Variants in SSPN observed in about 807,000 individuals in gnomAD.
SSPN encodes the protein K-ras oncogene-associated protein.
SSPN carries 15 observed loss-of-function variants against 19.1 expected under a neutral mutation model. The ratio of observed to expected loss-of-function variants is 0.78; its 90% CI spans 0.52 to 1.21. The LOEUF (loss-of-function observed/expected upper bound fraction) is 1.21. SSPN is among the 50% of genes most tolerant of loss of function. The pLI is 0.00. For missense variants in SSPN, 291 were observed against 314.0 expected (o/e 0.93, Z 0.55); for synonymous variants, 147 against 140.3 (o/e 1.05, Z -0.34).
intron 1 of SSPN, among the ~76,000 whole-genome samples, chr12:26,173,458 G>A (rs1314634574): frequency 6.6e-6 from 1 of 152,112 alleles, no homozygotes; most frequent in African/African-American, 2.4e-5. Context: ...TCTTTTTGGG[G>A]ATATCCAGGG....
chr12:26,215,417 T>A (rs1264704437), intron 1 of SSPN, among the ~76,000 whole-genome samples: 3 of 152,106 alleles, frequency 2.0e-5, no homozygotes, highest in African/African-American at 7.2e-5. Flanking sequence ...GATACTTCTG[T>A]CAAAAGAGGG....
At chr12:26,230,677 G>A in intron 2 of SSPN, 34 bp from the exon 3 acceptor site, 7 of 1,562,742 alleles carry the variant, frequency 4.5e-6, no homozygotes, top group Non-Finnish European at 6.1e-6. Context: ...AATGTTCTTT[G>A]TAACCAGAAA....
intron 1 of SSPN, among the ~76,000 whole-genome samples, chr12:26,174,104 T>C (rs1944668833): frequency 6.6e-6 from 1 of 152,092 alleles, no homozygotes; most frequent in South Asian, 2.1e-4. Flanking sequence ...ACCAAGAAGA[T>C]AAATACACCC....
intron 1 of SSPN, among the ~76,000 whole-genome samples, chr12:26,159,308 C>T (rs1944573964): frequency 6.6e-6 from 1 of 152,248 alleles, no homozygotes. Flanking sequence ...TTTAGTCATG[C>T]AGGCAGGAGT....
intron 1 of SSPN, chr12:26,180,198 A>G (rs1377450046): frequency 6.6e-6 from 1 of 152,212 alleles, no homozygotes; most frequent in Non-Finnish European, 1.5e-5. Context: ...GGTGTGAACG[A>G]ATAATGAAAC....
chr12:26,226,396 C>G (rs1945176341), intron 2 of SSPN, among the ~76,000 whole-genome samples: 1 of 152,168 alleles, frequency 6.6e-6, no homozygotes, highest in African/African-American at 2.4e-5. Context: ...TGTTGAATGC[C>G]CAGATAGCCA....
chr12:26,179,491 C>G (rs1944704860), intron 1 of SSPN, among the ~76,000 whole-genome samples: 1 of 152,108 alleles, frequency 6.6e-6, no homozygotes. Flanking sequence ...GAGGAGAATT[C>G]AAGAGCAAGG....
chr12:26,124,107 G>A (rs771686924), intron 1 of SSPN: 1 of 1,612,484 alleles, frequency 6.2e-7, no homozygotes, highest in South Asian at 1.1e-5. Flanking sequence ...AAATCTTTCA[G>A]CTGAGCAATG....
intron 1 of SSPN, among the ~76,000 whole-genome samples, chr12:26,172,275 TG>T (rs1290413729): frequency 3.3e-5 from 5 of 152,180 alleles, no homozygotes; most frequent in Non-Finnish European, 7.4e-5. Context: ...TTCAAGCATA[TG>T]GTAAAAATGT....
At chr12:26,230,098 G>A (rs369610025) in intron 2 of SSPN, among the ~76,000 whole-genome samples, 4 of 151,944 alleles carry the variant, frequency 2.6e-5, no homozygotes, top group Admixed American at 1.3e-4. Flanking sequence ...TTTCACAGGC[G>A]ATGAAGCTGA....
chr12:26,149,620 A>G (rs919258349), intron 1 of SSPN, among the ~76,000 whole-genome samples: 2 of 152,244 alleles, frequency 1.3e-5, no homozygotes, highest in Admixed American at 6.5e-5. Flanking sequence ...ACAAGAAATA[A>G]ATGTACATGT....
At chr12:26,200,645 A>C (rs558059163) in intron 1 of SSPN, among the ~76,000 whole-genome samples, 1 of 152,310 alleles carries the variant, frequency 6.6e-6, no homozygotes, top group African/African-American at 2.4e-5. Context: ...ATAAACCCTC[A>C]AGTCAAGAAG....
intron 1 of SSPN, among the ~76,000 whole-genome samples, chr12:26,151,115 A>G (rs906641241): frequency 1.3e-5 from 2 of 152,266 alleles, no homozygotes; most frequent in Non-Finnish European, 2.9e-5. Flanking sequence ...GGGCAAGTCT[A>G]TATTTTAATA....
At chr12:26,208,828 A>G (rs1422325874) in intron 1 of SSPN, among the ~76,000 whole-genome samples, 1 of 152,158 alleles carries the variant, frequency 6.6e-6, no homozygotes, top group Non-Finnish European at 1.5e-5. Flanking sequence ...TCCCTTTCAT[A>G]GTGATCTGTT....
At chr12:26,210,735 A>G (rs1944976671) in intron 1 of SSPN, among the ~76,000 whole-genome samples, 1 of 152,056 alleles carries the variant, frequency 6.6e-6, no homozygotes, top group East Asian at 1.9e-4. Context: ...TTGTTTTTTC[A>G]TTTTATAAGG....
intron 1 of SSPN, among the ~76,000 whole-genome samples, chr12:26,203,107 C>T (rs1944901056): frequency 6.6e-6 from 1 of 152,152 alleles, no homozygotes; most frequent in African/African-American, 2.4e-5. Flanking sequence ...GGGGGAACCA[C>T]CCCCATGATC....
intron 1 of SSPN, among the ~76,000 whole-genome samples, chr12:26,143,558 A>G (rs1944472804): frequency 6.6e-6 from 1 of 152,184 alleles, no homozygotes; most frequent in Admixed American, 6.5e-5. Flanking sequence ...CTCTTAGGTG[A>G]CATTAGGGAA....
At chr12:26,190,266 A>G (rs1453797761) in intron 1 of SSPN, among the ~76,000 whole-genome samples, 1 of 152,214 alleles carries the variant, frequency 6.6e-6, no homozygotes, top group East Asian at 1.9e-4. Context: ...GGGGCTGTAC[A>G]TGTAAAGAAT....
intron 1 of SSPN, among the ~76,000 whole-genome samples, chr12:26,178,586 C>T (rs1250303268): frequency 6.6e-6 from 1 of 151,984 alleles, no homozygotes; most frequent in Non-Finnish European, 1.5e-5. Flanking sequence ...CAGAATTCAT[C>T]AGTTGAAATT....
Sources: gnomAD v4.1 joint callset for allele counts (sites outside exome capture counted in the v4.1 genomes callset) on GRCh38, gnomAD v4.1.1 for gene constraint, MANE v1.5 for transcripts, NCBI Gene and HGNC (gene_info 2026-07-23, HGNC 2026-07-21) for gene names.